TESK2: variants seen among roughly 807,000 people sequenced by gnomAD.
TESK2 encodes testis associated actin remodelling kinase 2.
In TESK2, 39 loss-of-function variants were observed where a neutral mutation model predicts 57.1. The observed-to-expected ratio is 0.68, with a 90% CI of 0.53 to 0.89. The LOEUF is 0.89. Among genes scored for constraint, TESK2 ranks in the 40% least tolerant of loss-of-function variants. The pLI is 0.00. For missense variants in TESK2, 646 were observed against 732.1 expected (o/e 0.88, Z 1.36); for synonymous variants, 249 against 267.9 (o/e 0.93, Z 0.69).
rs533997712 is a variant in TESK2, at chr1:45,369,276, G to A, written c.394-13827C>T. 7.9e-5 allele frequency among the ~76,000 whole-genome samples: 12 copies of A among 152,068 alleles called. No individual in the cohort carries two copies. The South Asian group carries it at 2.5e-3, about 32-fold the overall frequency. On this transcript the variant is annotated intron_variant, in intron 4 of 10. Transcript: ENST00000372086. ...AGCACTTTGGGAGGCCAAGGCAGGT[G>A]GATCACGAGGTCAAGAGTTCAAGAC...
At chr1:45,484,094 T>C (rs1653352098) in intron 1 of TESK2, among the ~76,000 whole-genome samples, 2 of 145,388 alleles carry the variant, frequency 1.4e-5, no homozygotes, top group Admixed American at 1.5e-4. Context: ...TCATTTCATT[T>C]TTAATTCTTC....
chr1:45,417,110 G>A (rs944417152), intron 3 of TESK2, among the ~76,000 whole-genome samples: 3 of 152,030 alleles, frequency 2.0e-5, no homozygotes, highest in East Asian at 1.9e-4. Flanking sequence ...CTATGAGATC[G>A]ACTTTTTTAG....
intron 5 of TESK2, 67 bp downstream of exon 5, chr1:45,355,236 C>T (rs1189155774): frequency 1.9e-6 from 3 of 1,556,052 alleles, no homozygotes; most frequent in Non-Finnish European, 2.6e-6. Flanking sequence ...TTAAATCTAA[C>T]ACAGCTTTCT....
intron 4 of TESK2, among the ~76,000 whole-genome samples, chr1:45,376,853 A>G (rs1648450954): frequency 6.6e-6 from 1 of 152,218 alleles, no homozygotes; most frequent in South Asian, 2.1e-4. Flanking sequence ...AATAGGAAAC[A>G]TAATTTTTTA....
intron 5 of TESK2, among the ~76,000 whole-genome samples, chr1:45,352,313 T>C (rs1359191166): frequency 6.6e-6 from 1 of 152,244 alleles, no homozygotes; most frequent in African/African-American, 2.4e-5. Context: ...TTATTTCTCC[T>C]ATGTTCCTAG....
intron 2 of TESK2, among the ~76,000 whole-genome samples, chr1:45,424,620 C>G (rs1004802093): frequency 1.3e-5 from 2 of 152,198 alleles, no homozygotes; most frequent in African/African-American, 4.8e-5. Flanking sequence ...AATAAGGACT[C>G]TCCAGCTGAA....
At chr1:45,362,103 A>G (rs1411061163) in intron 4 of TESK2, among the ~76,000 whole-genome samples, 1 of 152,240 alleles carries the variant, frequency 6.6e-6, no homozygotes, top group African/African-American at 2.4e-5. Flanking sequence ...TTTATGAACC[A>G]TGAAGTAGGC....
chr1:45,346,051 G>T, intron 9 of TESK2, 57 bp from the exon 10 acceptor site: 1 of 1,310,402 alleles, frequency 7.6e-7, no homozygotes, highest in Non-Finnish European at 1.1e-6. Flanking sequence ...CCCAAAGATG[G>T]CATTTGAGTC....
chr1:45,452,574 C>A (rs973313761), intron 2 of TESK2, among the ~76,000 whole-genome samples: 8 of 151,996 alleles, frequency 5.3e-5, no homozygotes, highest in African/African-American at 1.9e-4. Context: ...TGCTTGCGGC[C>A]AGGAGTTTGA....
intron 1 of TESK2, among the ~76,000 whole-genome samples, chr1:45,475,535 A>G (rs1652954188): frequency 6.6e-6 from 1 of 152,196 alleles, no homozygotes; most frequent in African/African-American, 2.4e-5. Flanking sequence ...TAGCCATGAA[A>G]AATGACAGTT....
chr1:45,387,029 C>T (rs912272923), intron 3 of TESK2, among the ~76,000 whole-genome samples: 17 of 152,086 alleles, frequency 1.1e-4, no homozygotes, highest in African/African-American at 2.4e-4. Context: ...ATCATTCTTA[C>T]GCCTTTGCAT....
At chr1:45,404,369 G>A (rs2149281334) in intron 3 of TESK2, among the ~76,000 whole-genome samples, 1 of 152,240 alleles carries the variant, frequency 6.6e-6, no homozygotes, top group South Asian at 2.1e-4. Context: ...AGGGGATTAA[G>A]TGGGGGCTAC....
At chr1:45,449,229 A>T (rs1323673368) in intron 2 of TESK2, among the ~76,000 whole-genome samples, 1 of 151,860 alleles carries the variant, frequency 6.6e-6, no homozygotes, top group Non-Finnish European at 1.5e-5. Flanking sequence ...CTCAAAAAAA[A>T]AAAAAAGAAA....
intron 2 of TESK2, among the ~76,000 whole-genome samples, chr1:45,455,021 A>C (rs533667645): frequency 6.6e-6 from 1 of 152,186 alleles, no homozygotes; most frequent in African/African-American, 2.4e-5. Flanking sequence ...CAAGAAGTGC[A>C]TGCCAGGTTC....
intron 3 of TESK2, among the ~76,000 whole-genome samples, chr1:45,416,275 A>C (rs532715903): frequency 2.0e-5 from 3 of 151,084 alleles, no homozygotes; most frequent in South Asian, 2.1e-4. Flanking sequence ...TAGAGAAAAC[A>C]AGGTTTTCTC....
At chr1:45,448,027 G>A (rs1217960021) in intron 2 of TESK2, among the ~76,000 whole-genome samples, 6 of 149,706 alleles carry the variant, frequency 4.0e-5, no homozygotes, top group Admixed American at 3.3e-4. Flanking sequence ...GTGTGTGTGT[G>A]TGTGTGTATT....
At chr1:45,370,873 GA>G (rs908229425) in intron 4 of TESK2, among the ~76,000 whole-genome samples, 1 of 152,184 alleles carries the variant, frequency 6.6e-6, no homozygotes, top group Non-Finnish European at 1.5e-5. Context: ...AGGAGCCACA[GA>G]AGGGTTTTTT....
chr1:45,388,763 C>G (rs201684710), intron 3 of TESK2, among the ~76,000 whole-genome samples: 1 of 146,902 alleles, frequency 6.8e-6, no homozygotes, highest in Non-Finnish European at 1.5e-5. Flanking sequence ...TTCTGTTGCC[C>G]AGGCTGGAGT....
chr1:45,486,747 G>C (rs1459889144), intron 1 of TESK2, among the ~76,000 whole-genome samples: 1 of 137,928 alleles, frequency 7.3e-6, no homozygotes, highest in African/African-American at 2.7e-5. Context: ...ATGTTACTGA[G>C]GATCCTGAGG....
Sources: gnomAD v4.1 joint callset for allele counts (sites outside exome capture counted in the v4.1 genomes callset) on GRCh38, gnomAD v4.1.1 for gene constraint, MANE v1.5 for transcripts, NCBI Gene and HGNC (gene_info 2026-07-23, HGNC 2026-07-21) for gene names.